The following MRC1 variants were observed in gnomAD, a reference collection of about 807,000 sequenced individuals.
MRC1 encodes the protein mannose receptor C-type 1.
MRC1 carries 62 observed loss-of-function variants against 102.9 expected under a neutral mutation model. The observed-to-expected ratio is 0.60, with a 90% CI of 0.49 to 0.74. MRC1 has a LOEUF of 0.74. Ranked by LOEUF, MRC1 falls within the 30% of genes least tolerant of loss-of-function variation. The pLI is 0.00. For missense variants in MRC1, 1,237 were observed against 862.8 expected, an observed-to-expected ratio of 1.43 and a Z score of -5.43; for synonymous variants, 457 against 298.4, an observed-to-expected ratio of 1.53 and a Z score of -5.48.
intron 1 of MRC1, among the ~76,000 whole-genome samples, chr10:17,822,664 G>A (rs1461409515): frequency 6.6e-6 from 1 of 152,100 alleles, no homozygotes; most frequent in Non-Finnish European, 1.5e-5. Flanking sequence ...GGACATACAT[G>A]CATTTAATTT....
rs551342632 is a variant in MRC1 at position 17,826,592 on chromosome 10, T to C, written c.464-950T>C. Among the ~76,000 whole-genome samples the C allele has an allele frequency of 3.5e-3, 531 of 152,354 alleles. 8 individuals carry two copies. Among genetic ancestry groups the C allele is most frequent in the African/African-American group, 0.011 (446 of 41,584 alleles). On this transcript the variant is annotated intron_variant, in intron 2 of 29. Transcript: ENST00000569591. ...GGTGGCAAGAGGTCAAATACTTTAA[T>C]GTAAAAAGTTGTTATCTCTACAAAG...
intron 9 of MRC1, among the ~76,000 whole-genome samples, chr10:17,857,556 G>A (rs1313104681): frequency 6.6e-6 from 1 of 152,034 alleles, no homozygotes; most frequent in African/African-American, 2.4e-5. Flanking sequence ...TACAATTATT[G>A]CATTCTAATA....
At chr10:17,887,803 T>G (rs1589192334) in intron 22 of MRC1, among the ~76,000 whole-genome samples, 1 of 152,294 alleles carries the variant, frequency 6.6e-6, no homozygotes, top group African/African-American at 2.4e-5. Context: ...TAATGCTTTT[T>G]ATTTTATTTT....
chr10:17,825,463 A>G (rs1838460882), intron 2 of MRC1, among the ~76,000 whole-genome samples: 1 of 152,144 alleles, frequency 6.6e-6, no homozygotes, highest in African/African-American at 2.4e-5. Flanking sequence ...TAAAGCTGGC[A>G]GGCGTGGTGG....
chr10:17,845,394 A>T lies in MRC1; in HGVS notation c.1022A>T (p.Lys341Ile), dbSNP rs1433857509. Residue 341 changes from lysine to isoleucine, a missense_variant, in exon 6 of 30, where the codon AAA (lysine) becomes ATA (isoleucine). Transcript: ENST00000569591. Reference sequence around the variant, plus strand: ...GTTCAGAAACTGGGCTATATTTGCAAAAAGGGCAACACCACTTTAAATTCT... The same window carrying T: ...GTTCAGAAACTGGGCTATATTTGCATAAAGGGCAACACCACTTTAAATTCT... ...ECVQKLGYIC[K>I]KGNTTLNSFV... is the part of the protein sequence containing the mutation. The T allele has an allele frequency of 1.3e-6, 1 of 780,782 alleles. No homozygotes were observed. The highest frequency in any genetic ancestry group is 1.7e-5 in the African/African-American group (1 of 59,140). The allele number at this position is 780,782 out of a possible 1,614,324, so 48.4% of individuals were successfully genotyped here.
chr10:17,896,889 T>C (rs1456640881), intron 23 of MRC1, among the ~76,000 whole-genome samples: 2 of 152,218 alleles, frequency 1.3e-5, no homozygotes, highest in Non-Finnish European at 2.9e-5. Context: ...AAGGCCAGTA[T>C]ACACACTGGT....
intron 6 of MRC1, among the ~76,000 whole-genome samples, chr10:17,848,677 A>T (rs911659052): frequency 1.8e-4 from 27 of 152,202 alleles, no homozygotes; most frequent in Non-Finnish European, 3.5e-4. Flanking sequence ...TCATTTAAAA[A>T]TTTTCACCTA....
intron 26 of MRC1, among the ~76,000 whole-genome samples, chr10:17,904,475 A>C (rs1833870626): frequency 6.6e-6 from 1 of 152,054 alleles, no homozygotes; most frequent in African/African-American, 2.4e-5. Flanking sequence ...TTCTAATGTG[A>C]AATTAGTGTT....
intron 29 of MRC1, 22 bp downstream of exon 29, chr10:17,909,369 A>C: frequency 1.2e-6 from 1 of 867,016 alleles, no homozygotes; most frequent in Non-Finnish European, 2.0e-6. Flanking sequence ...GCAAAATTTC[A>C]AGTTCTGTGT....
chr10:17,810,443 G>A (rs1389563376), intron 1 of MRC1, among the ~76,000 whole-genome samples: 1 of 152,292 alleles, frequency 6.6e-6, no homozygotes, highest in East Asian at 1.9e-4. Flanking sequence ...AAGTTTCCTA[G>A]GAAGAGAGTG....
intron 2 of MRC1, among the ~76,000 whole-genome samples, chr10:17,827,338 A>G: frequency 7.0e-6 from 1 of 142,052 alleles, no homozygotes; most frequent in Non-Finnish European, 1.5e-5. Flanking sequence ...ACCCAGCAAA[A>G]GACTAGGGTA....
At chr10:17,823,697 A>G (rs1838432379) in intron 2 of MRC1, among the ~76,000 whole-genome samples, 1 of 152,204 alleles carries the variant, frequency 6.6e-6, no homozygotes, top group Non-Finnish European at 1.5e-5. Flanking sequence ...TTTTTACTTA[A>G]TGGGAAGACA....
At chr10:17,907,359 G>A (rs954327374) in intron 27 of MRC1, among the ~76,000 whole-genome samples, 175 bp from the exon 28 acceptor site, 5 of 151,976 alleles carry the variant, frequency 3.3e-5, no homozygotes, top group African/African-American at 9.7e-5. Flanking sequence ...ATTCTTTTTC[G>A]TTTCCTTCCC....
At chr10:17,860,095 C>G (rs1833160515) in intron 9 of MRC1, among the ~76,000 whole-genome samples, 1 of 152,110 alleles carries the variant, frequency 6.6e-6, no homozygotes, top group African/African-American at 2.4e-5. Flanking sequence ...AATACCACAG[C>G]CTTTAGGATC....
chr10:17,872,195 C>A, intron 15 of MRC1, 69 bp downstream of exon 15: 1 of 778,566 alleles, frequency 1.3e-6, no homozygotes, highest in Non-Finnish European at 2.4e-6. Context: ...AGAATCTTTC[C>A]TTTATTAGCA....
chr10:17,880,375 C>A, intron 19 of MRC1, 150 bp from the exon 20 acceptor site: 2 of 668,098 alleles, frequency 3.0e-6, no homozygotes, highest in Non-Finnish European at 2.7e-6. Context: ...AAGGATATTG[C>A]ATGGATACCT....
At position 17,870,372 on chromosome 10, in the gene MRC1, A is replaced by G; in HGVS notation, c.2110A>G (p.Thr704Ala). ...ACAGCAAACAATATGGCGATTAATA[A>G]CGTAAGTGGTATTTTTATGGATTCC... ...EEQQTIWRLITASGSYHKLFW... is the reference protein window; with the variant it reads ...EEQQTIWRLIAASGSYHKLFW... Residue 704 changes from threonine to alanine, a missense_variant and splice_region_variant, in exon 13 of 30, where the codon ACA (threonine) becomes GCA (alanine). Transcript: ENST00000569591. 1 of 780,326 alleles carries G rather than the reference A, an allele frequency of 1.3e-6. No homozygotes were observed. Among genetic ancestry groups the G allele is most frequent in the East Asian group, 2.4e-5 (1 of 41,226 alleles). The allele number at this position is 780,326 out of a possible 1,614,324, so 48.3% of individuals were successfully genotyped here. A position where few individuals can be genotyped will look rare whatever the true frequency, so the allele number is the denominator to read the frequency against.
At position 17,872,027 on chromosome 10, in the gene MRC1, A is replaced by G. The variant is rs1330348283; in HGVS notation, c.2245A>G (p.Asn749Asp). 7.7e-6 allele frequency: 6 copies of G among 780,580 alleles called. No individual in the cohort carries two copies. The highest frequency in any genetic ancestry group is 3.4e-5 in the Admixed American group (2 of 58,996). The allele number at this position is 780,580 out of a possible 1,614,324, so 48.4% of individuals were successfully genotyped here. Residue 749 changes from asparagine to aspartate, a missense_variant, in exon 15 of 30, where the codon AAT becomes GAT. Coordinates refer to ENST00000569591, the MANE Select transcript of MRC1 (RefSeq NM_002438.4). ...WAYGEPNNYQ[N>D]VEYCGELKGD... ...TTATGGAGAACCTAATAATTATCAA[A>G]ATGTTGAATACTGTGGTGAGCTGAA...
At chr10:17,859,860 C>G (rs1833155869) in intron 9 of MRC1, among the ~76,000 whole-genome samples, 1 of 152,212 alleles carries the variant, frequency 6.6e-6, no homozygotes, top group Non-Finnish European at 1.5e-5. Flanking sequence ...GCAGCACAAA[C>G]TTGGTATTTG....
Sources: gnomAD v4.1 joint callset for allele counts (sites outside exome capture counted in the v4.1 genomes callset) on GRCh38, gnomAD v4.1.1 for gene constraint, MANE v1.5 for transcripts, NCBI Gene and HGNC (gene_info 2026-07-23, HGNC 2026-07-21) for gene names.